The following CCDC136 variants were observed in gnomAD, a reference collection of about 807,000 sequenced individuals.
The protein encoded by CCDC136 is coiled-coil domain containing 136.
A neutral mutation model predicts 141.2 loss-of-function variants in CCDC136; 100 were observed. That is an observed-to-expected ratio of 0.71 (90% CI 0.60 to 0.84). The LOEUF (loss-of-function observed/expected upper bound fraction) is 0.84, where lower values mean the gene tolerates loss of function less well. Ranked by LOEUF, CCDC136 falls within the 40% of genes least tolerant of loss-of-function variation. The probability of loss-of-function intolerance (pLI) is 0.00; values close to 1 mark genes in which losing one functional copy is unlikely to be tolerated. For synonymous variants in CCDC136, 474 were observed against 531.9 expected (o/e 0.89, Z 1.50); for missense variants, 1,206 against 1,379.4 (o/e 0.87, Z 1.99).
At chr7:128,795,184 T>C (rs1214787557) in intron 3 of CCDC136, among the ~76,000 whole-genome samples, 1 of 152,144 alleles carries the variant, frequency 6.6e-6, no homozygotes, top group Non-Finnish European at 1.5e-5. Context: ...TGGGAAAGCA[T>C]GAAGCCAATG....
chr7:128,821,725 A>G lies in CCDC136; in HGVS notation c.*6-74A>G, dbSNP rs1940795595. ...TGTTCCTGAGGTGTCTTGGGCACCCATAGGCAGGTGACTTCTGGCTTAGGG... is the reference window on the plus strand; with the variant it reads ...TGTTCCTGAGGTGTCTTGGGCACCCGTAGGCAGGTGACTTCTGGCTTAGGG... On this transcript the variant is annotated intron_variant, in intron 17 of 17. Coordinates refer to ENST00000297788, the MANE Select transcript of CCDC136 (RefSeq NM_022742.5). This position sits in a 1 kb window ranked among gnomAD's most constrained non-coding sequence, Gnocchi z 5.1. The G allele has an allele frequency of 8.3e-7, 1 of 1,210,620 alleles. No homozygotes were observed. The highest frequency in any genetic ancestry group is 1.1e-6 in the Non-Finnish European group (1 of 917,562). 75.0% of individuals were successfully genotyped at this position (1,210,620 alleles called of 1,614,324 possible).
At chr7:128,810,478 G>A (rs7799186) in intron 12 of CCDC136, 112 bp downstream of exon 12, 314,024 of 730,556 alleles carry the variant, frequency 0.43, 70,233 homozygotes, top group Non-Finnish European at 0.47. Flanking sequence ...CCAGGGGTAA[G>A]GATAAGGCAA....
At position 128,815,610 on chromosome 7, in the gene CCDC136, A is replaced by G. The variant is rs1806474850; in HGVS notation, c.3046-4A>G. On this transcript the variant is annotated splice_polypyrimidine_tract_variant and splice_region_variant and intron_variant, in intron 15 of 17. Transcript: ENST00000297788. ...CGCCATCCTGCCCTACTCCCACCCC[A>G]CAGAGTCTGGAGGTAGTGCTGTACT... is the stretch of plus-strand genomic sequence containing the variant. 6.4e-7 allele frequency: 1 copy of G among 1,550,984 alleles called. No individual in the cohort carries two copies. Among genetic ancestry groups the G allele is most frequent in the Non-Finnish European group, 8.7e-7 (1 of 1,146,656 alleles).
intron 17 of CCDC136, among the ~76,000 whole-genome samples, chr7:128,820,796 C>T (rs1807341335): frequency 6.6e-6 from 1 of 152,150 alleles, no homozygotes; most frequent in African/African-American, 2.4e-5. Context: ...CATTTCATAC[C>T]TTCTGTTGTT....
rs1804634996 is a variant in CCDC136, at chr7:128,805,151, G to T, written c.783-208G>T. Among the ~76,000 whole-genome samples the T allele has an allele frequency of 6.6e-6, 1 of 152,218 alleles. No homozygotes were observed. Among genetic ancestry groups the T allele is most frequent in the Non-Finnish European group, 1.5e-5 (1 of 68,046 alleles). ...AAAACTAACTGGACTGGCACTCTAA[G>T]GGTCTCCCAGAGCCAAACACACCTT... is the stretch of plus-strand genomic sequence containing the variant. On this transcript the variant is annotated intron_variant, in intron 5 of 17. Coordinates refer to ENST00000297788, the MANE Select transcript of CCDC136 (RefSeq NM_022742.5). The surrounding 1 kb of genome is among the most constrained non-coding windows in gnomAD (Gnocchi z 4.6).
Position 128,792,109 on chromosome 7 carries a change from G to C in CCDC136, c.-303G>C. On this transcript the variant is annotated 5_prime_UTR_variant, in exon 1 of 18. Coordinates refer to ENST00000297788, the MANE Select transcript of CCDC136 (RefSeq NM_022742.5). ...TTTCTGTGCAAGCAAGAGGGTCCTG[G>C]AACAGCGGGTTCTGAGGAGGCTGGG... 1 of 1,397,294 alleles carries C rather than the reference G, an allele frequency of 7.2e-7. No individual in the cohort carries two copies. Among genetic ancestry groups the C allele is most frequent in the South Asian group, 1.6e-5 (1 of 64,308 alleles). 86.6% of individuals were successfully genotyped at this position (1,397,294 alleles called of 1,614,324 possible).
rs191361487 is a variant in CCDC136, at chr7:128,813,682, C to T, written c.2763+753C>T. ...GATGGGTTGGATGAAGTAGGAGTTC[C>T]CATAAAAAGAATTCTAGGCCAGGTG... On this transcript the variant is annotated intron_variant, in intron 14 of 17. Coordinates refer to ENST00000297788, the MANE Select transcript of CCDC136 (RefSeq NM_022742.5). Among the ~76,000 whole-genome samples, 182 of 152,156 alleles carry T rather than the reference C, an allele frequency of 1.2e-3. 1 individual carries two copies. The highest frequency in any genetic ancestry group is 3.4e-3 in the Middle Eastern group (1 of 294).
At chr7:128,808,796 CT>C (rs1387768574) in intron 10 of CCDC136, 70 of 985,242 alleles carry the variant, frequency 7.1e-5, no homozygotes, top group Non-Finnish European at 8.1e-5. Context: ...ACCTCTTCCC[CT>C]AATGGGAAAA....
chr7:128,801,527 T>G lies in CCDC136; in HGVS notation c.670+18T>G, dbSNP rs773747325. ...GTTACAAGGTATGAGAGCCATCAAG[T>G]GGGTCAGTAAAGTCAAGCAGAGGAA... is the stretch of plus-strand genomic sequence containing the variant. On this transcript the variant is annotated intron_variant, in intron 4 of 17. Coordinates refer to ENST00000297788, the MANE Select transcript of CCDC136 (RefSeq NM_022742.5). 7 of 1,553,146 alleles carry G rather than the reference T, an allele frequency of 4.5e-6. No homozygotes were observed. The highest frequency in any genetic ancestry group is 6.2e-6 in the Non-Finnish European group (7 of 1,135,656).
intron 3 of CCDC136, among the ~76,000 whole-genome samples, chr7:128,796,739 A>ATATTTTTTTTTTTTT: frequency 5.3e-5 from 6 of 113,372 alleles, no homozygotes; most frequent in Non-Finnish European, 1.0e-4. Context: ...ATATATATAT[A>ATATTTTTTTTTTTTT]TTCTTTTTTT....
intron 17 of CCDC136, among the ~76,000 whole-genome samples, chr7:128,819,125 C>A (rs558219067): frequency 1.1e-3 from 175 of 152,352 alleles, no homozygotes; most frequent in African/African-American, 3.8e-3. Flanking sequence ...CCCTGTCACC[C>A]CCCAGAAGTC....
chr7:128,812,287 A>G lies in CCDC136; in HGVS notation c.2516A>G (p.Glu839Gly), dbSNP rs1433407751. Reference sequence around the variant, plus strand: ...TTTGTCAGCAGCTGCACTGACGAGGAACCTGCTGAGCCTGAAGACATGGAG... The same window carrying G: ...TTTGTCAGCAGCTGCACTGACGAGGGACCTGCTGAGCCTGAAGACATGGAG... Reference protein sequence around the residue: ...KSFVSSCTDEEPAEPEDMERF... With the variant: ...KSFVSSCTDEGPAEPEDMERF... Residue 839 changes from glutamate (E) to glycine (G), a missense_variant, in exon 13 of 18, where the codon GAA becomes GGA. By Grantham distance (98) the Glu-to-Gly change is moderately conservative (BLOSUM62 -2). Coordinates refer to ENST00000297788, the MANE Select transcript of CCDC136 (RefSeq NM_022742.5). 1 of 1,612,884 alleles carries G rather than the reference A, an allele frequency of 6.2e-7. No individual in the cohort carries two copies. The highest frequency in any genetic ancestry group is 1.7e-5 in the Admixed American group (1 of 59,852).
intron 4 of CCDC136, among the ~76,000 whole-genome samples, 169 bp downstream of exon 4, chr7:128,801,678 C>G (rs1024334589): frequency 3.9e-5 from 6 of 152,198 alleles, no homozygotes; most frequent in Non-Finnish European, 8.8e-5. Flanking sequence ...TGCCTGTAAT[C>G]CCAGAACTTT....
In CCDC136 at chr7:128,794,138, G is replaced by C; in HGVS notation, c.17-210G>C. On this transcript the variant is annotated intron_variant, in intron 1 of 17. Transcript: ENST00000297788. This position sits in a 1 kb window ranked among gnomAD's most constrained non-coding sequence, Gnocchi z 4.3. ...ACCAAGTGCAACATTGGTCCAGGAA[G>C]GGCCTGGGAGGTGGAGGGGCTGCTT... 1 of 663,484 alleles carries C rather than the reference G, an allele frequency of 1.5e-6. No individual in the cohort carries two copies. The highest frequency in any genetic ancestry group is 2.7e-6 in the Non-Finnish European group (1 of 368,618). The allele number at this position is 663,484 out of a possible 1,614,324, so 41.1% of individuals were successfully genotyped here.
rs775079035 is a variant in CCDC136 at position 128,801,204 on chromosome 7, G to T, written c.365G>T (p.Arg122Leu). 6.2e-7 allele frequency: 1 copy of T among 1,613,228 alleles called. No homozygotes were observed. Among genetic ancestry groups the T allele is most frequent in the Non-Finnish European group, 8.5e-7 (1 of 1,179,312 alleles). ...QQLQGELRSL[R>L]EEISLLEHEK... ...TTTGCAGGTGAGCTGCGTTCTCTAC[G>T]GGAGGAGATTTCCCTGTTAGAGCAT... is the stretch of plus-strand genomic sequence containing the variant. The change falls in exon 4 of 18, where the codon CGG (arginine) becomes CTG (leucine). Residue 122 changes from arginine (R) to leucine (L), a missense_variant. Transcript: ENST00000297788.
chr7:128,793,886 AC>A (rs1296212584), intron 1 of CCDC136, among the ~76,000 whole-genome samples: 2 of 152,208 alleles, frequency 1.3e-5, no homozygotes, highest in Admixed American at 1.3e-4. Flanking sequence ...TGCTAGGATT[AC>A]AGGCATGAGC....
At chr7:128,809,888 A>G (rs994303831) in intron 11 of CCDC136, among the ~76,000 whole-genome samples, 1 of 152,230 alleles carries the variant, frequency 6.6e-6, no homozygotes, top group Non-Finnish European at 1.5e-5. Flanking sequence ...ATATTTAGGT[A>G]TTTAGTCCAT....
chr7:128,800,905 T>C (rs1803922402), intron 3 of CCDC136, among the ~76,000 whole-genome samples: 1 of 152,204 alleles, frequency 6.6e-6, no homozygotes, highest in Non-Finnish European at 1.5e-5. Context: ...CTTAGAAGCA[T>C]GAAATACTTT....
intron 3 of CCDC136, among the ~76,000 whole-genome samples, chr7:128,796,739 A>ATATATATATATATAT: frequency 1.6e-3 from 181 of 113,322 alleles, no homozygotes; most frequent in African/African-American, 7.7e-3. Flanking sequence ...ATATATATAT[A>ATATATATATATATAT]TTCTTTTTTT....
Sources: gnomAD v4.1 joint callset for allele counts (sites outside exome capture counted in the v4.1 genomes callset) on GRCh38, gnomAD v4.1.1 for gene constraint, Gnocchi (gnomAD v3.1) non-coding constraint, MANE v1.5 for transcripts, NCBI Gene and HGNC (gene_info 2026-07-23, HGNC 2026-07-21) for gene names.